Variants in CEP112 observed in about 807,000 individuals in gnomAD.
CEP112 encodes centrosomal protein 112, also known as centrosomal protein of 112 kDa.
In CEP112, 127 loss-of-function variants were observed where a neutral mutation model predicts 153.0. That is an observed-to-expected ratio of 0.83 (90% CI 0.72 to 0.96). The LOEUF is 0.96. Among genes scored for constraint, CEP112 ranks in the 40% least tolerant of loss-of-function variants. The probability of loss-of-function intolerance (pLI) is 0.00; values close to 1 mark genes in which losing one functional copy is unlikely to be tolerated. For missense variants in CEP112, 1,089 were observed against 1,101.2 expected, an observed-to-expected ratio of 0.99 and a Z score of 0.16; for synonymous variants, 358 against 374.4, an observed-to-expected ratio of 0.96 and a Z score of 0.51.
chr17:65,895,750 T>C (rs948563559), intron 20 of CEP112, among the ~76,000 whole-genome samples: 3 of 152,118 alleles, frequency 2.0e-5, no homozygotes, highest in African/African-American at 7.2e-5. Flanking sequence ...AGGTTTCTTA[T>C]CTGTAAATGG....
At chr17:65,858,917 T>A (rs1245872029) in intron 20 of CEP112, among the ~76,000 whole-genome samples, 1 of 152,200 alleles carries the variant, frequency 6.6e-6, no homozygotes, top group Non-Finnish European at 1.5e-5. Context: ...TCACCCGGAC[T>A]GTCATCAATA....
At position 65,847,614 on chromosome 17, in the gene CEP112, C is replaced by T. The variant is rs149786136; in HGVS notation, c.2394+4190G>A. 8.0e-3 allele frequency among the ~76,000 whole-genome samples: 1,211 copies of T among 152,262 alleles called. 11 individuals are homozygous for T. Among genetic ancestry groups the T allele is most frequent in the South Asian group, 0.02 (96 of 4,826 alleles). ...TGTCATACCCGGAGGGCACCTGCCCCGAGCTGGGTTTTCTAGGCACTGGTG... is the reference window on the plus strand; with the variant it reads ...TGTCATACCCGGAGGGCACCTGCCCTGAGCTGGGTTTTCTAGGCACTGGTG... On this transcript the variant is annotated intron_variant, in intron 21 of 26. Coordinates refer to ENST00000535342, the MANE Select transcript of CEP112 (RefSeq NM_001199165.4).
chr17:66,009,189 TTGTGTGTGTGTGTG>T (rs34971943), intron 16 of CEP112, among the ~76,000 whole-genome samples: 238 of 146,918 alleles, frequency 1.6e-3, no homozygotes, highest in South Asian at 4.6e-3. Flanking sequence ...TGTTATCCCT[TTGTGTGTGTGTGTG>T]TGTGTGTGTG....
At chr17:65,943,425 A>G (rs893391522) in intron 18 of CEP112, among the ~76,000 whole-genome samples, 1 of 152,172 alleles carries the variant, frequency 6.6e-6, no homozygotes, top group South Asian at 2.1e-4. Flanking sequence ...CAAGCCTAAC[A>G]TATCTATTTG....
At chr17:65,779,663 C>A (rs901469953) in intron 21 of CEP112, among the ~76,000 whole-genome samples, 1 of 152,054 alleles carries the variant, frequency 6.6e-6, no homozygotes, top group African/African-American at 2.4e-5. Context: ...AGAAAATTGA[C>A]TGAATCATGT....
chr17:65,831,117 C>T (rs993527297), intron 21 of CEP112, among the ~76,000 whole-genome samples: 4 of 152,206 alleles, frequency 2.6e-5, no homozygotes, highest in African/African-American at 9.7e-5. Context: ...GTGGATGTCT[C>T]CTCAAATGTG....
intron 17 of CEP112, among the ~76,000 whole-genome samples, chr17:65,993,116 A>G (rs2063657563): frequency 6.6e-6 from 1 of 152,084 alleles, no homozygotes; most frequent in African/African-American, 2.4e-5. Flanking sequence ...AACAGGGCCC[A>G]GTGTGTGTTG....
intron 19 of CEP112, among the ~76,000 whole-genome samples, chr17:65,908,352 A>G (rs2060159319): frequency 6.6e-6 from 1 of 152,150 alleles, no homozygotes; most frequent in South Asian, 2.1e-4. Flanking sequence ...CATTGTCTAG[A>G]AAATACTGGG....
At chr17:65,768,089 A>G (rs763756803) in intron 21 of CEP112, among the ~76,000 whole-genome samples, 3 of 152,094 alleles carry the variant, frequency 2.0e-5, no homozygotes, top group Non-Finnish European at 2.9e-5. Context: ...ACATTTGACT[A>G]CCCCAAAACT....
chr17:66,014,899 C>T (rs1242560084), intron 16 of CEP112, among the ~76,000 whole-genome samples: 4 of 152,218 alleles, frequency 2.6e-5, no homozygotes, highest in African/African-American at 9.6e-5. Flanking sequence ...TGCATCTAGT[C>T]AGCCATCATT....
chr17:65,732,453 T>A (rs1271741451), intron 23 of CEP112, among the ~76,000 whole-genome samples: 1 of 152,234 alleles, frequency 6.6e-6, no homozygotes, highest in African/African-American at 2.4e-5. Context: ...GAATGGTTAA[T>A]GAGCCCTGGC....
chr17:65,757,505 T>C (rs1240363243), intron 21 of CEP112, among the ~76,000 whole-genome samples: 1 of 152,132 alleles, frequency 6.6e-6, no homozygotes, highest in South Asian at 2.1e-4. Flanking sequence ...GTCCCAGGAC[T>C]CCAGGAAGCA....
chr17:66,177,390 T>G (rs916409909), intron 2 of CEP112, among the ~76,000 whole-genome samples: 4 of 152,244 alleles, frequency 2.6e-5, no homozygotes, highest in African/African-American at 9.6e-5. Flanking sequence ...AAGAAATATT[T>G]TCTCAAAAAT....
intron 6 of CEP112, among the ~76,000 whole-genome samples, chr17:66,120,169 C>A (rs1047496812): frequency 2.0e-5 from 3 of 152,038 alleles, no homozygotes; most frequent in African/African-American, 7.2e-5. Flanking sequence ...GTCAGTGAAA[C>A]CATGCAGGCC....
chr17:65,661,355 T>G (rs988527786), intron 24 of CEP112, among the ~76,000 whole-genome samples: 2 of 152,206 alleles, frequency 1.3e-5, no homozygotes, highest in African/African-American at 4.8e-5. Flanking sequence ...TTCTATGTAT[T>G]AGGCACCATA....
At chr17:65,739,201 C>A (rs1000745392) in intron 23 of CEP112, among the ~76,000 whole-genome samples, 1 of 152,230 alleles carries the variant, frequency 6.6e-6, no homozygotes, top group Admixed American at 6.5e-5. Context: ...ATGAGGCACC[C>A]CAGCCAATGC....
chr17:66,131,318 C>T (rs2070152760), intron 5 of CEP112, among the ~76,000 whole-genome samples: 1 of 152,104 alleles, frequency 6.6e-6, no homozygotes, highest in Non-Finnish European at 1.5e-5. Context: ...ACCTGCCTTG[C>T]TTATTCTGAG....
intron 16 of CEP112, among the ~76,000 whole-genome samples, chr17:66,022,920 T>A (rs1167518148): frequency 1.3e-5 from 2 of 151,634 alleles, no homozygotes; most frequent in Non-Finnish European, 2.9e-5. Flanking sequence ...CAAAATACAG[T>A]TGAAAGCTTC....
chr17:65,813,266 A>G (rs190061585), intron 21 of CEP112, among the ~76,000 whole-genome samples: 65 of 152,304 alleles, frequency 4.3e-4, no homozygotes, highest in African/African-American at 1.5e-3. Flanking sequence ...GAGCTGAAAG[A>G]TCAGTCAAGT....
Sources: allele counts gnomAD v4.1 joint callset (sites outside exome capture counted in the v4.1 genomes callset), GRCh38; gene constraint gnomAD v4.1.1; transcripts MANE v1.5; gene names NCBI Gene and HGNC (gene_info 2026-07-23, HGNC 2026-07-21).